The following TRAT1 variants were observed in gnomAD, a reference collection of about 807,000 sequenced individuals.
TRAT1 encodes T cell receptor associated transmembrane adaptor 1.
In TRAT1, 20 loss-of-function variants were observed where a neutral mutation model predicts 20.0. The observed-to-expected ratio is 1.00, with a 90% CI of 0.70 to 1.45. TRAT1 has a LOEUF of 1.45. Among genes scored for constraint, TRAT1 ranks in the 40% most tolerant of loss-of-function variants. The pLI, the probability that TRAT1 is intolerant of heterozygous loss-of-function variation, is 0.00. For missense variants in TRAT1, 237 were observed against 224.1 expected, an observed-to-expected ratio of 1.06 and a Z score of -0.37; for synonymous variants, 77 against 74.2, an observed-to-expected ratio of 1.04 and a Z score of -0.20.
intron 2 of TRAT1, among the ~76,000 whole-genome samples, chr3:108,832,061 C>T (rs1474972565): frequency 1.3e-5 from 2 of 152,096 alleles, no homozygotes; most frequent in Non-Finnish European, 2.9e-5. Flanking sequence ...TTAGAAATAT[C>T]TTAAGCACCG....
At chr3:108,834,858 A>G (rs1945825185) in intron 2 of TRAT1, among the ~76,000 whole-genome samples, 1 of 152,244 alleles carries the variant, frequency 6.6e-6, no homozygotes, top group African/African-American at 2.4e-5. Context: ...GCAGCTAGGT[A>G]GAAGCTTTGA....
At chr3:108,831,849 G>T (rs886537154) in intron 2 of TRAT1, among the ~76,000 whole-genome samples, 2 of 152,058 alleles carry the variant, frequency 1.3e-5, no homozygotes, top group African/African-American at 4.8e-5. Context: ...AGCCTGGAAG[G>T]TGTTTAAATA....
intron 2 of TRAT1, among the ~76,000 whole-genome samples, chr3:108,837,971 G>T (rs1296721461): frequency 6.6e-6 from 1 of 152,068 alleles, no homozygotes; most frequent in Non-Finnish European, 1.5e-5. Flanking sequence ...TGACCTAGAA[G>T]TAAAAATACT....
chr3:108,826,354 C>T (rs999904680), intron 1 of TRAT1, among the ~76,000 whole-genome samples: 2 of 152,120 alleles, frequency 1.3e-5, no homozygotes, highest in Non-Finnish European at 2.9e-5. Flanking sequence ...ATTTACTTCT[C>T]AAATAACCCC....
intron 5 of TRAT1, among the ~76,000 whole-genome samples, chr3:108,852,626 T>A (rs530273989): frequency 2.0e-5 from 3 of 152,334 alleles, no homozygotes; most frequent in East Asian, 3.9e-4. Context: ...AATACATAAA[T>A]CTTTGGTTTG....
intron 2 of TRAT1, among the ~76,000 whole-genome samples, chr3:108,831,618 C>A (rs548994266): frequency 6.6e-6 from 1 of 150,656 alleles, no homozygotes; most frequent in East Asian, 2.0e-4. Flanking sequence ...TAACTCACTG[C>A]AGCCTCAAAC....
intron 5 of TRAT1, among the ~76,000 whole-genome samples, chr3:108,849,732 G>A (rs941367921): frequency 6.6e-6 from 1 of 152,142 alleles, no homozygotes; most frequent in African/African-American, 2.4e-5. Context: ...CTGTGGCTGT[G>A]GTCTTATGGC....
chr3:108,847,191 T>G, intron 4 of TRAT1, 62 bp downstream of exon 4: 1 of 997,052 alleles, frequency 1.0e-6, no homozygotes, highest in Non-Finnish European at 1.5e-6. Flanking sequence ...ACAAAATAAT[T>G]TAAGTGGCGC....
intron 2 of TRAT1, among the ~76,000 whole-genome samples, chr3:108,834,614 T>C (rs1945822901): frequency 6.6e-6 from 1 of 152,264 alleles, no homozygotes; most frequent in Admixed American, 6.5e-5. Flanking sequence ...CCACTTGGGC[T>C]GTGAATGAAA....
At chr3:108,826,950 C>A (rs946713233) in intron 1 of TRAT1, among the ~76,000 whole-genome samples, 3 of 152,168 alleles carry the variant, frequency 2.0e-5, no homozygotes, top group African/African-American at 4.8e-5. Context: ...AGAGCACATG[C>A]AATTGTGAAT....
At chr3:108,850,493 C>T (rs1383337002) in intron 5 of TRAT1, among the ~76,000 whole-genome samples, 3 of 151,912 alleles carry the variant, frequency 2.0e-5, no homozygotes, top group Non-Finnish European at 4.4e-5. Flanking sequence ...TTAGTAGAGA[C>T]GGGGTTTCAC....
chr3:108,829,728 G>A (rs1945775285), intron 1 of TRAT1, among the ~76,000 whole-genome samples: 1 of 152,062 alleles, frequency 6.6e-6, no homozygotes, highest in Non-Finnish European at 1.5e-5. Context: ...ATGTCATAGT[G>A]CAATGCATTA....
At chr3:108,827,214 G>T (rs72949549) in intron 1 of TRAT1, among the ~76,000 whole-genome samples, 16,554 of 152,074 alleles carry the variant, frequency 0.11, 1,102 homozygotes, top group East Asian at 0.25. Flanking sequence ...TACAATTAAT[G>T]AATATTGATA....
At chr3:108,832,142 G>A (rs933474360) in intron 2 of TRAT1, among the ~76,000 whole-genome samples, 8 of 152,158 alleles carry the variant, frequency 5.3e-5, no homozygotes, top group South Asian at 2.1e-4. Flanking sequence ...AGAGGTACTC[G>A]AAAATGGAGT....
chr3:108,827,296 G>T (rs1243140445), intron 1 of TRAT1, among the ~76,000 whole-genome samples: 1 of 151,956 alleles, frequency 6.6e-6, no homozygotes, highest in Admixed American at 6.6e-5. Context: ...GGCACTGTCT[G>T]TACTAAGTAG....
intron 2 of TRAT1, among the ~76,000 whole-genome samples, chr3:108,834,603 G>A (rs1945822703): frequency 6.6e-6 from 1 of 152,178 alleles, no homozygotes; most frequent in Non-Finnish European, 1.5e-5. Context: ...TGGCTTTTCT[G>A]CCACTTGGGC....
At chr3:108,847,586 T>G (rs1576524690) in intron 4 of TRAT1, among the ~76,000 whole-genome samples, 1 of 152,316 alleles carries the variant, frequency 6.6e-6, no homozygotes, top group Non-Finnish European at 1.5e-5. Context: ...TGATGGCAGG[T>G]GGGAGAAAGA....
At chr3:108,852,704 A>G (rs1946008250) in intron 5 of TRAT1, among the ~76,000 whole-genome samples, 1 of 152,240 alleles carries the variant, frequency 6.6e-6, no homozygotes, top group South Asian at 2.1e-4. Context: ...ACTTTTGAAC[A>G]GTAGTTATAA....
chr3:108,845,004 C>A (rs755152890), intron 3 of TRAT1, among the ~76,000 whole-genome samples: 2 of 151,924 alleles, frequency 1.3e-5, no homozygotes, highest in Non-Finnish European at 2.9e-5. Flanking sequence ...ATGTTCAGAA[C>A]AATGGAGAGT....
Sources: gnomAD v4.1 joint callset for allele counts (sites outside exome capture counted in the v4.1 genomes callset) on GRCh38, gnomAD v4.1.1 for gene constraint, MANE v1.5 for transcripts, NCBI Gene and HGNC (gene_info 2026-07-23, HGNC 2026-07-21) for gene names.